Variants in KIAA1217 observed in about 807,000 individuals in gnomAD.
KIAA1217 encodes the protein sickle tail protein homolog.
A neutral mutation model predicts 163.9 loss-of-function variants in KIAA1217; 88 were observed. The ratio of observed to expected loss-of-function variants is 0.54; its 90% CI spans 0.45 to 0.64. KIAA1217 has a LOEUF of 0.64. Among genes scored for constraint, KIAA1217 ranks in the 30% least tolerant of loss-of-function variants. The pLI, the probability that KIAA1217 is intolerant of heterozygous loss-of-function variation, is 0.00. For synonymous variants in KIAA1217, 903 were observed against 923.1 expected, an observed-to-expected ratio of 0.98 and a Z score of 0.39; for missense variants, 2,372 against 2,475.0, an observed-to-expected ratio of 0.96 and a Z score of 0.88.
At chr10:24,403,916 A>G (rs1182051257) in intron 3 of KIAA1217, among the ~76,000 whole-genome samples, 2 of 152,174 alleles carry the variant, frequency 1.3e-5, no homozygotes, top group Non-Finnish European at 2.9e-5. Context: ...GAAATGTAAA[A>G]TGGAATAGCC....
intron 6 of KIAA1217, among the ~76,000 whole-genome samples, chr10:24,485,819 T>C (rs2065320281): frequency 6.6e-6 from 1 of 152,202 alleles, no homozygotes; most frequent in South Asian, 2.1e-4. Flanking sequence ...AATTCGATGG[T>C]TAAGGAGCGG....
At chr10:23,812,594 C>G (rs1837121279) in intron 1 of KIAA1217, among the ~76,000 whole-genome samples, 1 of 151,848 alleles carries the variant, frequency 6.6e-6, no homozygotes, top group African/African-American at 2.4e-5. Flanking sequence ...TGGTGTATTC[C>G]CAGAGTTGTG....
Position 23,695,932 on chromosome 10 carries a change from G to A in KIAA1217, c.-321+698G>A, listed in dbSNP as rs1836005173. On this transcript the variant is annotated intron_variant, in intron 1 of 18. Coordinates refer to the KIAA1217 transcript ENST00000376462. This position sits in a 1 kb window ranked among gnomAD's most constrained non-coding sequence, Gnocchi z 4.9. ...GGAGGGCGACAGCGCCCGGGAGCAG[G>A]GTGACCCCCACAGCGGCCGGCCTTC... Among the ~76,000 whole-genome samples, 1 of 152,182 alleles carries A rather than the reference G, an allele frequency of 6.6e-6. No homozygotes were observed. The highest frequency in any genetic ancestry group is 1.5e-5 in the Non-Finnish European group (1 of 68,038).
intron 1 of KIAA1217, among the ~76,000 whole-genome samples, chr10:23,853,298 T>C (rs1839455377): frequency 6.6e-6 from 1 of 152,210 alleles, no homozygotes; most frequent in Non-Finnish European, 1.5e-5. Context: ...TTGGTTCTGT[T>C]TATATGCTGG....
At chr10:24,096,308 C>T (rs1236439533) in intron 2 of KIAA1217, among the ~76,000 whole-genome samples, 1 of 152,146 alleles carries the variant, frequency 6.6e-6, no homozygotes, top group Non-Finnish European at 1.5e-5. Flanking sequence ...TTCTCATTCT[C>T]TCTTGAATCC....
At chr10:24,013,715 T>C (rs144823947) in intron 2 of KIAA1217, among the ~76,000 whole-genome samples, 3 of 152,136 alleles carry the variant, frequency 2.0e-5, no homozygotes, top group African/African-American at 4.8e-5. Flanking sequence ...ATAGACTGGA[T>C]GAGAATCCAA....
chr10:24,397,085 A>AGAAGGCAT (rs2055869542), intron 3 of KIAA1217, among the ~76,000 whole-genome samples: 2 of 150,092 alleles, frequency 1.3e-5, no homozygotes, highest in Admixed American at 6.6e-5. Context: ...GTTCTGATGG[A>AGAAGGCAT]GAAGGCATAG....
At chr10:23,811,088 A>G (rs1315138752) in intron 1 of KIAA1217, among the ~76,000 whole-genome samples, 6 of 114,870 alleles carry the variant, frequency 5.2e-5, no homozygotes, top group African/African-American at 2.0e-4. Flanking sequence ...ATAGTACACT[A>G]TATTATATAT....
chr10:23,958,982 C>T (rs1844695289), intron 1 of KIAA1217, among the ~76,000 whole-genome samples: 1 of 149,618 alleles, frequency 6.7e-6, no homozygotes, highest in African/African-American at 2.5e-5. Flanking sequence ...ACTACCGAGC[C>T]TGGAAGATGT....
At chr10:24,263,506 C>G (rs1248078831) in intron 2 of KIAA1217, among the ~76,000 whole-genome samples, 3 of 152,204 alleles carry the variant, frequency 2.0e-5, no homozygotes, top group African/African-American at 7.2e-5. Flanking sequence ...AGAAGGAACA[C>G]TGGGTTCTTG....
At chr10:24,386,375 A>C (rs1296526676) in intron 3 of KIAA1217, among the ~76,000 whole-genome samples, 1 of 152,206 alleles carries the variant, frequency 6.6e-6, no homozygotes, top group Non-Finnish European at 1.5e-5. Context: ...TTTAAGGAAA[A>C]GAAGGCTCAT....
chr10:23,961,100 G>A (rs901923070), intron 1 of KIAA1217, among the ~76,000 whole-genome samples: 6 of 152,154 alleles, frequency 3.9e-5, no homozygotes, highest in Non-Finnish European at 7.4e-5. Context: ...ATTTTCATAG[G>A]TCACTAAGGA....
At chr10:23,736,260 C>A (rs1023789451) in intron 1 of KIAA1217, among the ~76,000 whole-genome samples, 1 of 152,124 alleles carries the variant, frequency 6.6e-6, no homozygotes, top group Admixed American at 6.6e-5. Context: ...AATCTTTGAT[C>A]CTTTGTTGTG....
At chr10:23,761,489 T>C (rs1213714855) in intron 1 of KIAA1217, among the ~76,000 whole-genome samples, 2 of 152,210 alleles carry the variant, frequency 1.3e-5, no homozygotes, top group Non-Finnish European at 2.9e-5. Context: ...AACTTCTTGA[T>C]TTCTGCCTTA....
intron 1 of KIAA1217, among the ~76,000 whole-genome samples, chr10:23,936,341 C>G (rs1843523498): frequency 1.3e-5 from 2 of 152,064 alleles, no homozygotes; most frequent in African/African-American, 4.8e-5. Flanking sequence ...TGCATACTAC[C>G]TGTACTGGGT....
chr10:24,161,444 A>T (rs2065116483), intron 2 of KIAA1217, among the ~76,000 whole-genome samples: 3 of 152,136 alleles, frequency 2.0e-5, no homozygotes. Flanking sequence ...TTCACCTCTG[A>T]CTTTGTGAAC....
At position 24,374,828 on chromosome 10, in the gene KIAA1217, C is replaced by A. The variant is rs575418551; in HGVS notation, c.355-6041C>A. 4.6e-5 allele frequency among the ~76,000 whole-genome samples: 7 copies of A among 152,162 alleles called. No homozygotes were observed. In the East Asian group the frequency reaches 1.4e-3, roughly 29 times the overall value. The stretch of plus-strand genomic sequence containing the variant: ...AGAGATGGGAGTCTTGTTCTTTCTC[C>A]CAGGCTGATGTGCAGTGGTGTCACC... On this transcript the variant is annotated intron_variant, in intron 2 of 20. Transcript: ENST00000376454.
intron 1 of KIAA1217, among the ~76,000 whole-genome samples, chr10:23,738,127 A>G (rs923515799): frequency 2.0e-5 from 3 of 152,178 alleles, no homozygotes; most frequent in African/African-American, 4.8e-5. Flanking sequence ...TGGAAAAGAA[A>G]AGTATAGTTG....
intron 2 of KIAA1217, among the ~76,000 whole-genome samples, chr10:24,309,183 A>G (rs1363197676): frequency 6.7e-6 from 1 of 150,126 alleles, no homozygotes; most frequent in East Asian, 2.0e-4. Context: ...GGAGGGAGAG[A>G]GAGAGGAAGG....
Sources: gnomAD v4.1 joint callset for allele counts (sites outside exome capture counted in the v4.1 genomes callset) on GRCh38, gnomAD v4.1.1 for gene constraint, Gnocchi (gnomAD v3.1) non-coding constraint, MANE v1.5 for transcripts, NCBI Gene and HGNC (gene_info 2026-07-23, HGNC 2026-07-21) for gene names.